HHAT: variants seen among roughly 807,000 people sequenced by gnomAD.
HHAT encodes the protein hedgehog acyltransferase.
Under a neutral mutation model 70.8 loss-of-function variants are expected in HHAT, and 47 were observed. The ratio of observed to expected loss-of-function variants is 0.66; its 90% CI spans 0.53 to 0.85. HHAT has a LOEUF of 0.85. Among genes scored for constraint, HHAT ranks in the 40% least tolerant of loss-of-function variants. The pLI is 0.00. For missense variants in HHAT, 609 were observed against 604.8 expected (o/e 1.01, Z -0.07); for synonymous variants, 228 against 247.6 (o/e 0.92, Z 0.74).
At chr1:210,651,773 C>T (rs535565675) in intron 11 of HHAT, among the ~76,000 whole-genome samples, 9 of 152,206 alleles carry the variant, frequency 5.9e-5, no homozygotes, top group Non-Finnish European at 1.2e-4. Flanking sequence ...CAAGCATAGT[C>T]ATAGGGCCTA....
intron 10 of HHAT, 103 bp from the exon 11 acceptor site, chr1:210,623,421 CTG>C: frequency 3.9e-6 from 5 of 1,284,140 alleles, no homozygotes; most frequent in Non-Finnish European, 5.5e-6. Context: ...GGTTTGGGCT[CTG>C]TGGGGAGGCG....
chr1:210,659,633 C>G (rs1005907959), intron 11 of HHAT, among the ~76,000 whole-genome samples: 1 of 152,154 alleles, frequency 6.6e-6, no homozygotes, highest in East Asian at 1.9e-4. Context: ...AATTTTAGAC[C>G]AATATCCCTG....
chr1:210,570,099 C>T (rs767386441), intron 9 of HHAT, among the ~76,000 whole-genome samples: 111 of 152,304 alleles, frequency 7.3e-4, no homozygotes, highest in Non-Finnish European at 1.2e-3. Context: ...ATAGGTGCAA[C>T]CCTGAGCCAC....
At chr1:210,440,222 G>C (rs1388642380) in intron 7 of HHAT, among the ~76,000 whole-genome samples, 2 of 151,726 alleles carry the variant, frequency 1.3e-5, no homozygotes, top group Non-Finnish European at 2.9e-5. Flanking sequence ...TCCCCAGGGA[G>C]GCTAGTTTGT....
Position 210,495,677 on chromosome 1 carries a change from G to A in HHAT, c.1008-17476G>A, listed in dbSNP as rs1236906020. 3.3e-5 allele frequency among the ~76,000 whole-genome samples: 5 copies of A among 152,026 alleles called. No individual in the cohort carries two copies. The East Asian group carries it at 9.6e-4, about 29-fold the overall frequency. On this transcript the variant is annotated intron_variant, in intron 8 of 11. Transcript: ENST00000261458. ...ACCATTCAGATTATGACCTATTGTA[G>A]GTCATAATCATTTTAGTGGGTTTCA...
chr1:210,614,209 T>C (rs934255116), intron 10 of HHAT, among the ~76,000 whole-genome samples: 2 of 152,086 alleles, frequency 1.3e-5, no homozygotes, highest in Non-Finnish European at 2.9e-5. Flanking sequence ...AATTTCCTTT[T>C]CAGGTTGCTC....
At chr1:210,481,528 A>G (rs1338644188) in intron 8 of HHAT, among the ~76,000 whole-genome samples, 1 of 152,198 alleles carries the variant, frequency 6.6e-6, no homozygotes, top group African/African-American at 2.4e-5. Context: ...AAACACAAAA[A>G]TGTGAAAAAC....
At chr1:210,589,772 C>G (rs1661256221) in intron 10 of HHAT, 1 of 152,224 alleles carries the variant, frequency 6.6e-6, no homozygotes, top group Non-Finnish European at 1.5e-5. Context: ...ATCAAGCACA[C>G]TTACTCACAG....
At chr1:210,384,641 G>C (rs548543343) in intron 3 of HHAT, among the ~76,000 whole-genome samples, 1 of 152,262 alleles carries the variant, frequency 6.6e-6, no homozygotes, top group South Asian at 2.1e-4. Context: ...GCCTAGTTCT[G>C]CCTGGCTGAG....
intron 4 of HHAT, among the ~76,000 whole-genome samples, chr1:210,397,621 T>C (rs1365108878): frequency 6.6e-6 from 1 of 151,874 alleles, no homozygotes; most frequent in Admixed American, 6.6e-5. Context: ...TTAATACTGA[T>C]AGTTAAGCAT....
chr1:210,387,522 G>GT lies in HHAT; in HGVS notation c.215dup (p.Trp73ValfsTer84), dbSNP rs1558413220. 6.2e-7 allele frequency: 1 copy of GT among 1,614,150 alleles called. No individual in the cohort carries two copies. Among genetic ancestry groups the GT allele is most frequent in the South Asian group, 1.1e-5 (1 of 91,076 alleles). On this transcript the variant is annotated frameshift_variant, in exon 4 of 12. Coordinates refer to ENST00000261458, the MANE Select transcript of HHAT (RefSeq NM_018194.6). LOFTEE classifies it high-confidence loss of function. ...GATGGAATGGGGGAAGCAGTGGCTGGTGTGGCTTCTCCTTGGCCACATGGT... is the reference window on the plus strand; with the variant it reads ...GATGGAATGGGGGAAGCAGTGGCTGGTTGTGGCTTCTCCTTGGCCACATGGT...
chr1:210,395,807 A>T (rs2091750014), intron 4 of HHAT, among the ~76,000 whole-genome samples: 1 of 152,152 alleles, frequency 6.6e-6, no homozygotes, highest in Non-Finnish European at 1.5e-5. Flanking sequence ...TCATGATCTC[A>T]AGGTTAAATC....
intron 9 of HHAT, among the ~76,000 whole-genome samples, chr1:210,530,474 A>T (rs182428587): frequency 6.6e-6 from 1 of 152,186 alleles, no homozygotes; most frequent in South Asian, 2.1e-4. Context: ...TTGCATTCAA[A>T]TACCCTTTCC....
chr1:210,328,257 G>A (rs2084695371), upstream of HHAT: 2 of 152,076 alleles, frequency 1.3e-5, no homozygotes, highest in African/African-American at 4.8e-5. Context: ...CCTGTCTCTT[G>A]GCTCAGGCTT....
rs143374164 is a variant in HHAT at position 210,447,243 on chromosome 1, A to G, written c.857-17262A>G. Among the ~76,000 whole-genome samples, 10 of 152,338 alleles carry G rather than the reference A, an allele frequency of 6.6e-5. No individual in the cohort carries two copies. The East Asian group carries it at 1.7e-3, about 26-fold the overall frequency. On this transcript the variant is annotated intron_variant, in intron 7 of 11. Coordinates refer to ENST00000261458, the MANE Select transcript of HHAT (RefSeq NM_018194.6). ...GAACCTCATATGGTGGTTGAGAGGA[A>G]TAGCTGTGACAGTAGATGTGCAAGC...
intron 8 of HHAT, among the ~76,000 whole-genome samples, chr1:210,469,990 T>C (rs2094173931): frequency 6.6e-6 from 1 of 152,106 alleles, no homozygotes. Flanking sequence ...ACTCCCTCCT[T>C]TTCTCCCCAC....
rs186952400 is a variant in HHAT at position 210,548,068 on chromosome 1, A to G, written c.1043+34880A>G. ...ATTGCATGATTTCCTCTCTTATTTC[A>G]TACCCGACTATAGTCACTGACCCAG... On this transcript the variant is annotated intron_variant, in intron 9 of 11. Coordinates refer to ENST00000261458, the MANE Select transcript of HHAT (RefSeq NM_018194.6). Among the ~76,000 whole-genome samples the G allele has an allele frequency of 2.9e-3, 436 of 152,332 alleles. 8 individuals carry two copies. The highest frequency in any genetic ancestry group is 0.024 in the Admixed American group (370 of 15,302).
rs2092563375 is a variant in HHAT, at chr1:210,411,749, AAGAAAAG to A, written c.685-6402_685-6396del. ...CAATAGAGTGACACCCTGTGTCATA[AAGAAAAG>A]AGTCTGGGTGCCAGGAAAGACCTGT... On this transcript the variant is annotated intron_variant, in intron 6 of 11. Transcript: ENST00000261458. Among the ~76,000 whole-genome samples, 2 of 152,110 alleles carry A rather than the reference AAGAAAAG, an allele frequency of 1.3e-5. 1 individual carries two copies. The highest frequency in any genetic ancestry group is 4.2e-4 in the South Asian group (2 of 4,812).
chr1:210,358,523 T>C (rs77491910), intron 2 of HHAT, among the ~76,000 whole-genome samples: 1,545 of 152,320 alleles, frequency 0.01, 34 homozygotes, highest in African/African-American at 0.035. Context: ...CCCCTTTCTG[T>C]AGGATAATCT....
Sources: allele counts gnomAD v4.1 joint callset (sites outside exome capture counted in the v4.1 genomes callset), GRCh38; gene constraint gnomAD v4.1.1; transcripts MANE v1.5; gene names NCBI Gene and HGNC (gene_info 2026-07-23, HGNC 2026-07-21).